ATP1B3: variants seen among roughly 807,000 people sequenced by gnomAD.
ATP1B3 encodes the protein ATPase Na+/K+ transporting subunit beta 3, also known as sodium/potassium-transporting ATPase subunit beta-3.
In ATP1B3, 10 loss-of-function variants were observed where a neutral mutation model predicts 30.2. The observed-to-expected ratio is 0.33, with a 90% CI of 0.20 to 0.56. The LOEUF (loss-of-function observed/expected upper bound fraction) is 0.56, where lower values mean the gene tolerates loss of function less well. ATP1B3 is among the 20% of genes least tolerant of loss of function. The pLI is 0.90. For synonymous variants in ATP1B3, 113 were observed against 117.0 expected, an observed-to-expected ratio of 0.97 and a Z score of 0.22; for missense variants, 238 against 336.7, an observed-to-expected ratio of 0.71 and a Z score of 2.29.
chr3:141,902,947 T>C (rs1289187719), intron 1 of ATP1B3: 1 of 152,228 alleles, frequency 6.6e-6, no homozygotes, highest in African/African-American at 2.4e-5. Flanking sequence ...GACTCACAAA[T>C]TTGCATGTCA....
intron 1 of ATP1B3, among the ~76,000 whole-genome samples, chr3:141,885,156 G>A (rs1215084687): frequency 1.3e-5 from 2 of 152,122 alleles, no homozygotes; most frequent in South Asian, 2.1e-4. Context: ...TCCAGACTTA[G>A]CCAAATTGTG....
In ATP1B3 at chr3:141,898,344, G is replaced by C. The variant is rs77756642; in HGVS notation, c.110-5276G>C. ...ACTTGTGGAATGGGAGAAAATAATTGCACATTATATATTTGGTAAGGGGCT... is the reference window on the plus strand; with the variant it reads ...ACTTGTGGAATGGGAGAAAATAATTCCACATTATATATTTGGTAAGGGGCT... On this transcript the variant is annotated intron_variant, in intron 1 of 6. Transcript: ENST00000286371. Among the ~76,000 whole-genome samples, 573 of 152,246 alleles carry C rather than the reference G, an allele frequency of 3.8e-3. 1 individual carries two copies. Among genetic ancestry groups the C allele is most frequent in the Admixed American group, 7.1e-3 (108 of 15,294 alleles).
chr3:141,881,962 G>T (rs1458940199), intron 1 of ATP1B3, among the ~76,000 whole-genome samples: 2 of 152,278 alleles, frequency 1.3e-5, no homozygotes, highest in Non-Finnish European at 2.9e-5. Context: ...AAGGGTAAGT[G>T]TATGTGTTGT....
At chr3:141,909,681 C>G (rs1405496889) in intron 3 of ATP1B3, among the ~76,000 whole-genome samples, 1 of 152,178 alleles carries the variant, frequency 6.6e-6, no homozygotes, top group African/African-American at 2.4e-5. Flanking sequence ...CAGTAGGAGA[C>G]TGAGGTTAGG....
chr3:141,879,852 T>C lies in ATP1B3; in HGVS notation c.109+2942T>C, dbSNP rs371394490. The stretch of plus-strand genomic sequence containing the variant: ...TTTTTTTTTAAGAAAAACAGCCTTT[T>C]GTCATTTTGCAAATTTTTTTTCTAG... On this transcript the variant is annotated intron_variant, in intron 1 of 6. Transcript: ENST00000286371. Among the ~76,000 whole-genome samples, 120 of 131,292 alleles carry C rather than the reference T, an allele frequency of 9.1e-4. 1 individual carries two copies. The highest frequency in any genetic ancestry group is 3.3e-3 in the African/African-American group (118 of 36,198). 86.1% of individuals were successfully genotyped at this position (131,292 alleles called of 152,430 possible).
intron 2 of ATP1B3, among the ~76,000 whole-genome samples, chr3:141,903,988 T>C (rs1341856116): frequency 6.6e-6 from 1 of 152,192 alleles, no homozygotes; most frequent in East Asian, 1.9e-4. Flanking sequence ...TTTTCCATGT[T>C]GGTCAGGCTG....
At chr3:141,898,954 A>G (rs1934115468) in intron 1 of ATP1B3, among the ~76,000 whole-genome samples, 1 of 152,160 alleles carries the variant, frequency 6.6e-6, no homozygotes. Flanking sequence ...AACCTTGAAA[A>G]CACCTTACAT....
chr3:141,922,098 CTT>C (rs1245541926), intron 6 of ATP1B3, 35 bp downstream of exon 6: 1 of 1,311,444 alleles, frequency 7.6e-7, no homozygotes. Flanking sequence ...GGTGATTACT[CTT>C]TTGGGAAGCT....
chr3:141,898,075 C>A (rs903705022), intron 1 of ATP1B3, among the ~76,000 whole-genome samples: 4 of 152,114 alleles, frequency 2.6e-5, no homozygotes, highest in African/African-American at 9.7e-5. Context: ...TGTAGGTGGA[C>A]CCCTACCTCA....
rs1319783573 is a variant in ATP1B3 at position 141,917,465 on chromosome 3, G to T, written c.582+1445G>T. Among the ~76,000 whole-genome samples the T allele has an allele frequency of 2.0e-5, 3 of 152,016 alleles. No homozygotes were observed. The South Asian group carries it at 6.2e-4, about 32-fold the overall frequency. On this transcript the variant is annotated intron_variant, in intron 5 of 6. Transcript: ENST00000286371. ...AATCCTGGCACTTTGGGAGGCTGAG[G>T]CAGGCAGATCACGAGGTCAAGAGAT...
intron 6 of ATP1B3, among the ~76,000 whole-genome samples, chr3:141,924,381 G>A (rs568805615): frequency 2.0e-4 from 30 of 150,578 alleles, no homozygotes; most frequent in African/African-American, 7.1e-4. Flanking sequence ...GCTCACGCCT[G>A]TAATCCCAGC....
intron 5 of ATP1B3, chr3:141,918,214 TG>T (rs1934503582): frequency 6.6e-6 from 1 of 152,198 alleles, no homozygotes; most frequent in African/African-American, 2.4e-5. Flanking sequence ...CAAAGCTTTC[TG>T]GTAGAAAGTT....
chr3:141,876,882 A>G lies in ATP1B3; in HGVS notation c.81A>G (p.Glu27=), dbSNP rs1156887341. 1 of 1,580,100 alleles carries G rather than the reference A, an allele frequency of 6.3e-7. No homozygotes were observed. Among genetic ancestry groups the G allele is most frequent in the East Asian group, 2.5e-5 (1 of 40,576 alleles). ...KLFIYNPTTG[E]FLGRTAKSWG... ...TCATCTACAACCCGACCACCGGAGA[A>G]TTCCTGGGGCGCACCGCCAAGAGCT... Residue 27 remains glutamate (E), a synonymous_variant, in exon 1 of 7, where the codon GAA becomes GAG. Transcript: ENST00000286371.
chr3:141,884,975 C>T (rs1442145089), intron 1 of ATP1B3, among the ~76,000 whole-genome samples: 1 of 152,164 alleles, frequency 6.6e-6, no homozygotes, highest in African/African-American at 2.4e-5. Flanking sequence ...TTGTCAGTTG[C>T]TTTCTGCATA....
At chr3:141,884,667 C>G (rs2107763990) in intron 1 of ATP1B3, among the ~76,000 whole-genome samples, 1 of 152,260 alleles carries the variant, frequency 6.6e-6, no homozygotes, top group Admixed American at 6.5e-5. Flanking sequence ...AGAGACTGGC[C>G]CTAGCCTCCT....
intron 6 of ATP1B3, among the ~76,000 whole-genome samples, chr3:141,923,470 T>C (rs12487977): frequency 0.088 from 13,406 of 152,274 alleles, 729 homozygotes; most frequent in East Asian, 0.16. Context: ...CAGATGCAGC[T>C]CCTTGATCTT....
chr3:141,898,998 T>A (rs1464247783), intron 1 of ATP1B3, among the ~76,000 whole-genome samples: 1 of 152,220 alleles, frequency 6.6e-6, no homozygotes, highest in Non-Finnish European at 1.5e-5. Flanking sequence ...ATGTATTACA[T>A]GATTCCATTT....
chr3:141,924,339 CAAAAA>C (rs34894586), intron 6 of ATP1B3, among the ~76,000 whole-genome samples: 2 of 112,912 alleles, frequency 1.8e-5, no homozygotes, highest in Non-Finnish European at 1.8e-5. Context: ...TGCAATGTCT[CAAAAA>C]AAAAAAAAAA....
At position 141,903,688 on chromosome 3, in the gene ATP1B3, G is replaced by T; in HGVS notation, c.178G>T (p.Val60Phe). The T allele has an allele frequency of 6.2e-7, 1 of 1,614,086 alleles. No individual in the cohort carries two copies. The highest frequency in any genetic ancestry group is 8.5e-7 in the Non-Finnish European group (1 of 1,179,984). ...LAALFSFTMW[V>F]MLQTLNDEVP... ...TGCACTCTTCTCATTCACGATGTGG[G>T]TTATGCTTCAGACTCTCAACGATGA... The change falls in exon 2 of 7, where the codon GTT (valine) becomes TTT (phenylalanine). Residue 60 changes from valine to phenylalanine, a missense_variant. Val to Phe is a conservative substitution (Grantham distance 50). Transcript: ENST00000286371.
Sources: gnomAD v4.1 joint callset for allele counts (sites outside exome capture counted in the v4.1 genomes callset) on GRCh38, gnomAD v4.1.1 for gene constraint, MANE v1.5 for transcripts, NCBI Gene and HGNC (gene_info 2026-07-23, HGNC 2026-07-21) for gene names.